The following DIPK1C variants were observed in gnomAD, a reference collection of about 807,000 sequenced individuals.
DIPK1C encodes the protein familial non-conventional Alzheimer's dementia.
Under a neutral mutation model 28.0 loss-of-function variants are expected in DIPK1C, and 33 were observed. The ratio of observed to expected loss-of-function variants is 1.18; its 90% CI spans 0.89 to 1.58. The LOEUF is 1.58. DIPK1C is among the 40% of genes most tolerant of loss of function. The pLI is 0.00. For missense variants in DIPK1C, 569 were observed against 568.5 expected (o/e 1.00, Z -0.01); for synonymous variants, 255 against 248.8 (o/e 1.02, Z -0.23).
In DIPK1C at chr18:74,436,129, C is replaced by T. The variant is rs1319518784; in HGVS notation, c.*372G>A. On this transcript the variant is annotated 3_prime_UTR_variant, in exon 4 of 4. Transcript: ENST00000343998. ...CATACACATCATTTGTATGCACACA[C>T]GCACACTTTTTAACGTGGTAACGAT... The T allele has an allele frequency of 3.8e-5, 10 of 262,450 alleles. No individual in the cohort carries two copies. The highest frequency in any genetic ancestry group is 1.0e-4 in the Admixed American group (2 of 19,932). 16.3% of individuals were successfully genotyped at this position (262,450 alleles called of 1,614,324 possible).
At chr18:74,455,731 AAAAAG>A (rs1437619852) in intron 1 of DIPK1C, among the ~76,000 whole-genome samples, 1 of 149,690 alleles carries the variant, frequency 6.7e-6, no homozygotes, top group Admixed American at 6.6e-5. Flanking sequence ...TCCATAAAAA[AAAAAG>A]AAAAAGAAAA....
chr18:74,446,753 A>G lies in DIPK1C; in HGVS notation c.729T>C (p.Gly243=). 6.5e-7 allele frequency: 1 copy of G among 1,528,540 alleles called. No homozygotes were observed. The highest frequency in any genetic ancestry group is 1.4e-5 in the African/African-American group (1 of 72,200). The allele number at this position is 1,528,540 out of a possible 1,614,324, so 94.7% of individuals were successfully genotyped here. The change falls in exon 2 of 4, where the codon GGT becomes GGC. Residue 243 remains glycine (G), a synonymous_variant. Transcript: ENST00000343998. ...CCTTGGCCTGGCCACCCCCAGGGGC[A>G]CCTGGGGCCCGGTCCAGGGGGAAGA... is the stretch of plus-strand genomic sequence containing the variant. ...RALFPLDRAP[G]APGGGQAKAI...
chr18:74,458,230 T>C (rs1176663356), upstream of DIPK1C, among the ~76,000 whole-genome samples: 2 of 152,072 alleles, frequency 1.3e-5, no homozygotes, highest in Non-Finnish European at 2.9e-5. Flanking sequence ...AGGGGAACTG[T>C]CACAGCTGAG....
the DIPK1C span, among the ~76,000 whole-genome samples, chr18:74,463,962 A>G: frequency 6.6e-6 from 1 of 152,218 alleles, no homozygotes; most frequent in African/African-American, 2.4e-5. Flanking sequence ...CTGCTTTGCC[A>G]AATAATCTCT....
intron 2 of DIPK1C, among the ~76,000 whole-genome samples, chr18:74,445,565 G>C (rs934057448): frequency 6.6e-6 from 1 of 152,216 alleles, no homozygotes; most frequent in African/African-American, 2.4e-5. Flanking sequence ...ACCTGCCTTG[G>C]AGGCCATGAC....
chr18:74,439,116 GTT>G lies in DIPK1C; in HGVS notation c.1042-2399_1042-2398del, dbSNP rs75260962. Among the ~76,000 whole-genome samples, 65 of 146,620 alleles carry G rather than the reference GTT, an allele frequency of 4.4e-4. 1 individual carries two copies. Among genetic ancestry groups the G allele is most frequent in the African/African-American group, 7.5e-5 (3 of 39,782 alleles). ...ATGCCAACATGGGTTTTTGTTTTTT[GTT>G]TTTTTTTTTCTGAAAGATAATTAAA... On this transcript the variant is annotated intron_variant, in intron 3 of 3. Coordinates refer to ENST00000343998, the MANE Select transcript of DIPK1C (RefSeq NM_001044369.3).
At chr18:74,457,521 T>C (rs909112557), upstream of DIPK1C, among the ~76,000 whole-genome samples, 16 of 152,140 alleles carry the variant, frequency 1.1e-4, no homozygotes, top group Admixed American at 2.0e-4. Flanking sequence ...CTTTTTGCAC[T>C]TTTTTCCCCC....
intron 1 of DIPK1C, among the ~76,000 whole-genome samples, chr18:74,448,111 G>T (rs527266848): frequency 6.6e-6 from 1 of 152,162 alleles, no homozygotes; most frequent in Admixed American, 6.5e-5. Context: ...TGAGAAGCCC[G>T]TCCAGCCCGA....
upstream of DIPK1C, among the ~76,000 whole-genome samples, chr18:74,457,472 T>C (rs1599044266): frequency 6.6e-6 from 1 of 151,716 alleles, no homozygotes; most frequent in Admixed American, 6.6e-5. Flanking sequence ...CCACTGGGGG[T>C]CCACTCGCCG....
intron 2 of DIPK1C, among the ~76,000 whole-genome samples, chr18:74,445,580 A>G (rs989183230): frequency 6.6e-6 from 1 of 152,242 alleles, no homozygotes; most frequent in Non-Finnish European, 1.5e-5. Flanking sequence ...CATGACTGGC[A>G]GTCACAGTGC....
At chr18:74,454,007 AG>A (rs1165468301) in intron 1 of DIPK1C, among the ~76,000 whole-genome samples, 9 of 152,242 alleles carry the variant, frequency 5.9e-5, no homozygotes, top group African/African-American at 2.2e-4. Context: ...TTCAGCCTGC[AG>A]AATGAATGAG....
In DIPK1C at chr18:74,442,519, C is replaced by T. The variant is rs189625463; in HGVS notation, c.877-403G>A. 2.3e-3 allele frequency among the ~76,000 whole-genome samples: 349 copies of T among 152,160 alleles called. 1 individual carries two copies. The highest frequency in any genetic ancestry group is 8.4e-3 in the Admixed American group (128 of 15,278). The stretch of plus-strand genomic sequence containing the variant: ...AATTTTTTTGTATTTTTAGTAGAGA[C>T]GGGGTTTCACCGTGTTAGCCAGGAT... On this transcript the variant is annotated intron_variant, in intron 2 of 3. Transcript: ENST00000343998.
the DIPK1C span, among the ~76,000 whole-genome samples, chr18:74,463,523 C>A: frequency 6.6e-6 from 1 of 152,084 alleles, no homozygotes; most frequent in Non-Finnish European, 1.5e-5. Flanking sequence ...AGATTTCCCT[C>A]CAGTGCAAAG....
upstream of DIPK1C, chr18:74,457,346 C>A (rs539884936): frequency 4.3e-6 from 4 of 938,504 alleles, no homozygotes; most frequent in South Asian, 1.9e-4. Flanking sequence ...CAGGCCCGCT[C>A]GGCGGGGAGG....
chr18:74,460,288 G>C (rs1489054166), upstream of DIPK1C, among the ~76,000 whole-genome samples: 1 of 152,182 alleles, frequency 6.6e-6, no homozygotes, highest in African/African-American at 2.4e-5. Flanking sequence ...CAGTACAGAT[G>C]TTCATGATAT....
In DIPK1C at chr18:74,442,011, A is replaced by T; in HGVS notation, c.982T>A (p.Ser328Thr). Residue 328 changes from serine to threonine, a missense_variant, in exon 3 of 4, where the codon TCA becomes ACA. Ser to Thr is a moderately conservative substitution (Grantham distance 58). Coordinates refer to ENST00000343998, the MANE Select transcript of DIPK1C (RefSeq NM_001044369.3). The part of the protein sequence containing the change: ...DEDCNFFDCF[S>T]RCDLRVNKCG... ...TTGTTGACTCGTAAATCACATCTTG[A>T]AAAACAGTCAAAGAAATTGCAGTCT... 2 of 1,614,118 alleles carry T rather than the reference A, an allele frequency of 1.2e-6. No individual in the cohort carries two copies. The highest frequency in any genetic ancestry group is 1.7e-6 in the Non-Finnish European group (2 of 1,179,998).
rs1347149849 is a variant in DIPK1C at position 74,447,498 on chromosome 18, T to G, written c.199-215A>C. On this transcript the variant is annotated intron_variant, in intron 1 of 3. Transcript: ENST00000343998. The surrounding 1 kb of genome is among the most constrained non-coding windows in gnomAD (Gnocchi z 4.1). ...GAGCCGCTCACAGTCATTACACGAC[T>G]CAGTCAGGCCTAGGACGGGTCTACA... Among the ~76,000 whole-genome samples the G allele has an allele frequency of 6.6e-6, 1 of 152,158 alleles. No individual in the cohort carries two copies. Among genetic ancestry groups the G allele is most frequent in the Non-Finnish European group, 1.5e-5 (1 of 68,028 alleles).
chr18:74,462,721 A>G (rs1362105243), upstream of DIPK1C, among the ~76,000 whole-genome samples: 4 of 151,886 alleles, frequency 2.6e-5, no homozygotes, highest in African/African-American at 9.7e-5. Context: ...ACCATTTGAC[A>G]TTCCTATCAG....
chr18:74,460,173 T>C (rs538923617), upstream of DIPK1C, among the ~76,000 whole-genome samples: 3 of 152,338 alleles, frequency 2.0e-5, no homozygotes, highest in African/African-American at 7.2e-5. Flanking sequence ...TCTGAGGATG[T>C]CCTCCGAGTT....
Sources: allele counts gnomAD v4.1 joint callset (sites outside exome capture counted in the v4.1 genomes callset), GRCh38; gene constraint gnomAD v4.1.1; non-coding constraint Gnocchi (gnomAD v3.1); transcripts MANE v1.5; gene names NCBI Gene and HGNC (gene_info 2026-07-23, HGNC 2026-07-21).